BCL2L1: variants seen among roughly 807,000 people sequenced by gnomAD.
BCL2L1 encodes bcl-2-like protein 1.
Under a neutral mutation model 18.7 loss-of-function variants are expected in BCL2L1, and 1 was observed. That is an observed-to-expected ratio of 0.05 (90% CI 0.02 to 0.25). BCL2L1 has a LOEUF of 0.25. Among genes scored for constraint, BCL2L1 ranks in the 10% least tolerant of loss-of-function variants. BCL2L1 has a pLI of 1.00. For missense variants in BCL2L1, 207 were observed against 304.9 expected, an observed-to-expected ratio of 0.68 and a Z score of 2.39; for synonymous variants, 103 against 122.7, an observed-to-expected ratio of 0.84 and a Z score of 1.06.
Position 31,666,025 on chromosome 20 carries a change from C to A in BCL2L1, c.626G>T (p.Arg209Leu), listed in dbSNP as rs768665664. The A allele has an allele frequency of 6.2e-7, 1 of 1,614,140 alleles. No homozygotes were observed. The highest frequency in any genetic ancestry group is 8.5e-7 in the Non-Finnish European group (1 of 1,180,026). ...AAAESRKGQERFNRWFLTGMT... is the reference protein window; with the variant it reads ...AAAESRKGQELFNRWFLTGMT... The stretch of plus-strand genomic sequence containing the variant: ...GCCCGTCAGGAACCAGCGGTTGAAG[C>A]GTTCCTGGCCCTTTCGGCTCTCGGC... Residue 209 changes from arginine to leucine, a missense_variant, in exon 3 of 3, where the codon CGC becomes CTC. Coordinates refer to ENST00000307677, the MANE Select transcript of BCL2L1 (RefSeq NM_138578.3).
upstream of BCL2L1, chr20:31,723,186 G>A (rs2061665199): frequency 1.4e-6 from 1 of 717,012 alleles, no homozygotes; most frequent in African/African-American, 1.9e-5. Context: ...TGATGTTGAA[G>A]GCCGGAGACC....
chr20:31,717,865 C>T (rs1245796845), intron 2 of BCL2L1, among the ~76,000 whole-genome samples: 2 of 152,214 alleles, frequency 1.3e-5, no homozygotes, highest in Non-Finnish European at 2.9e-5. Context: ...GACAGCAATC[C>T]CAAAGTGGCA....
At chr20:31,718,499 T>C (rs1345587742) in intron 2 of BCL2L1, among the ~76,000 whole-genome samples, 5 of 151,614 alleles carry the variant, frequency 3.3e-5, no homozygotes, top group African/African-American at 7.3e-5. Context: ...CTACTAAAAA[T>C]ACAAAATTAG....
chr20:31,673,969 C>T (rs1404269840), intron 2 of BCL2L1, among the ~76,000 whole-genome samples: 4 of 152,176 alleles, frequency 2.6e-5, no homozygotes, highest in Non-Finnish European at 4.4e-5. Context: ...ATTTGATCCT[C>T]ATAACATTTA....
chr20:31,669,339 G>A (rs937088756), intron 2 of BCL2L1, among the ~76,000 whole-genome samples: 2 of 151,326 alleles, frequency 1.3e-5, no homozygotes, highest in African/African-American at 2.4e-5. Context: ...GATTACAGGC[G>A]TGAGCCACCA....
chr20:31,719,011 C>A (rs138770169), intron 2 of BCL2L1, among the ~76,000 whole-genome samples: 1 of 152,212 alleles, frequency 6.6e-6, no homozygotes, highest in African/African-American at 2.4e-5. Context: ...AGACACTTAA[C>A]TGGCTGAGGG....
chr20:31,669,990 TC>T lies in BCL2L1; in HGVS notation c.565-3905del, dbSNP rs759414145. On this transcript the variant is annotated intron_variant, in intron 2 of 2. Coordinates refer to ENST00000307677, the MANE Select transcript of BCL2L1 (RefSeq NM_138578.3). Reference sequence around the variant, plus strand: ...AACACTCAGCAAACAGATAGCAGAGTCGGGATCAAACTGCAAGACTGCCTAG... The same window carrying T: ...AACACTCAGCAAACAGATAGCAGAGTGGGATCAAACTGCAAGACTGCCTAG... Among the ~76,000 whole-genome samples, 44 of 152,056 alleles carry T rather than the reference TC, an allele frequency of 2.9e-4. 1 individual carries two copies. The highest frequency in any genetic ancestry group is 2.3e-3 in the South Asian group (11 of 4,818).
chr20:31,700,572 T>C (rs2061260768), intron 2 of BCL2L1, among the ~76,000 whole-genome samples: 1 of 152,216 alleles, frequency 6.6e-6, no homozygotes, highest in African/African-American at 2.4e-5. Flanking sequence ...CCCACGGGTC[T>C]CTTCTTGAGA....
chr20:31,704,145 CTA>C (rs1409098395), intron 2 of BCL2L1, among the ~76,000 whole-genome samples: 1 of 143,998 alleles, frequency 6.9e-6, no homozygotes, highest in East Asian at 2.0e-4. Flanking sequence ...TCCCTGTCAC[CTA>C]GGCTGGAGTG....
intron 2 of BCL2L1, among the ~76,000 whole-genome samples, chr20:31,706,443 C>T (rs1047977906): frequency 1.3e-5 from 2 of 152,208 alleles, no homozygotes; most frequent in South Asian, 2.1e-4. Context: ...GTGCACTTTA[C>T]ATGTACCATT....
upstream of BCL2L1, chr20:31,723,518 G>A (rs2061669891): frequency 1.0e-6 from 1 of 985,070 alleles, no homozygotes; most frequent in Non-Finnish European, 1.2e-6. Flanking sequence ...GGCTTCTCGA[G>A]CTCACTAGGC....
chr20:31,713,287 G>A (rs2061480322), intron 2 of BCL2L1: 4 of 985,244 alleles, frequency 4.1e-6, no homozygotes, highest in Non-Finnish European at 3.6e-6. Context: ...AAATCTTGAA[G>A]GGATGATCAC....
chr20:31,697,892 G>GTTTTTTTTTTTTTGTTTGTTTGTTTTT (rs1319361227), intron 2 of BCL2L1, among the ~76,000 whole-genome samples: 6 of 129,640 alleles, frequency 4.6e-5, no homozygotes, highest in Non-Finnish European at 9.5e-5. Context: ...TGCTGTTGCT[G>GTTTTTTTTTTTTTGTTTGTTTGTTTTT]TTTTTTTTTT....
At chr20:31,670,246 CAGG>C (rs918369964) in intron 2 of BCL2L1, among the ~76,000 whole-genome samples, 2 of 152,200 alleles carry the variant, frequency 1.3e-5, no homozygotes, top group Non-Finnish European at 2.9e-5. Context: ...AATATTCTTA[CAGG>C]AGGTTTGATT....
At chr20:31,723,955 T>C (rs1053110086), upstream of BCL2L1, 31 of 985,262 alleles carry the variant, frequency 3.1e-5, no homozygotes, top group Non-Finnish European at 3.6e-5. Flanking sequence ...TCACTTCCGG[T>C]GCCGCGGCAA....
intron 2 of BCL2L1, among the ~76,000 whole-genome samples, chr20:31,714,930 A>T (rs1600925713): frequency 6.6e-6 from 1 of 152,022 alleles, no homozygotes; most frequent in Non-Finnish European, 1.5e-5. Flanking sequence ...ATTCTTTTTC[A>T]CCTGGCAATT....
chr20:31,705,505 C>T (rs187909430), intron 2 of BCL2L1, among the ~76,000 whole-genome samples: 44 of 152,248 alleles, frequency 2.9e-4, no homozygotes, highest in Middle Eastern at 6.8e-3. Context: ...TTCCAATTAA[C>T]AAAATGATCC....
chr20:31,681,475 CTAT>C (rs1307843109), intron 2 of BCL2L1, among the ~76,000 whole-genome samples: 1 of 152,154 alleles, frequency 6.6e-6, no homozygotes, highest in African/African-American at 2.4e-5. Flanking sequence ...TGGGAAAATC[CTAT>C]TTTTACAAAA....
At chr20:31,720,297 T>A (rs983435124) in intron 2 of BCL2L1, among the ~76,000 whole-genome samples, 4 of 152,208 alleles carry the variant, frequency 2.6e-5, no homozygotes, top group African/African-American at 7.2e-5. Context: ...TGCCACACCC[T>A]AGGCCCAGCC....
Sources: allele counts gnomAD v4.1 joint callset (sites outside exome capture counted in the v4.1 genomes callset), GRCh38; gene constraint gnomAD v4.1.1; transcripts MANE v1.5; gene names NCBI Gene and HGNC (gene_info 2026-07-23, HGNC 2026-07-21).